The following TOX variants were observed in gnomAD, a reference collection of about 807,000 sequenced individuals.
The protein encoded by TOX is thymocyte selection-associated high mobility group box protein TOX.
TOX carries 11 observed loss-of-function variants against 53.7 expected under a neutral mutation model. That is an observed-to-expected ratio of 0.20 (90% CI 0.13 to 0.34). The LOEUF is 0.34. TOX is among the 10% of genes least tolerant of loss of function. The pLI, the probability that TOX is intolerant of heterozygous loss-of-function variation, is 1.00. For missense variants in TOX, 570 were observed against 664.6 expected (o/e 0.86, Z 1.56); for synonymous variants, 225 against 245.3 (o/e 0.92, Z 0.77).
chr8:59,093,172 CCTATAGTAGG>C (rs536329349), intron 1 of TOX, among the ~76,000 whole-genome samples: 139 of 152,302 alleles, frequency 9.1e-4, no homozygotes, highest in African/African-American at 3.1e-3. Context: ...TTCTGTTCTT[CCTATAGTAGG>C]CTCTGAGGTG....
rs71521438 is a variant in TOX at position 58,955,718 on chromosome 8, C to T, written c.168+4225G>A. On this transcript the variant is annotated intron_variant, in intron 2 of 8. Transcript: ENST00000361421. Reference sequence around the variant, plus strand: ...AACACAGAATGAACAAACAGGCAGCCGTGGAAAAGGACACTTTTTTTTTTT... The same window carrying T: ...AACACAGAATGAACAAACAGGCAGCTGTGGAAAAGGACACTTTTTTTTTTT... 2.8e-3 allele frequency among the ~76,000 whole-genome samples: 417 copies of T among 149,890 alleles called. 1 individual carries two copies. The highest frequency in any genetic ancestry group is 3.8e-3 in the Non-Finnish European group (254 of 67,658).
At chr8:59,097,829 C>T (rs567071626) in intron 1 of TOX, among the ~76,000 whole-genome samples, 1 of 152,240 alleles carries the variant, frequency 6.6e-6, no homozygotes, top group East Asian at 1.9e-4. Context: ...ATCCTGTAAG[C>T]ATAAAGATTA....
intron 1 of TOX, among the ~76,000 whole-genome samples, chr8:59,035,772 CA>C (rs1814447076): frequency 1.3e-5 from 2 of 152,170 alleles, no homozygotes; most frequent in Non-Finnish European, 2.9e-5. Context: ...GAGAAATAAT[CA>C]TAATAACAAT....
chr8:58,937,604 G>A (rs1278979458), intron 3 of TOX, among the ~76,000 whole-genome samples: 2 of 152,192 alleles, frequency 1.3e-5, no homozygotes, highest in Non-Finnish European at 2.9e-5. Context: ...AAGGTGTATT[G>A]AGATGGATGT....
intron 3 of TOX, among the ~76,000 whole-genome samples, chr8:58,891,756 A>G (rs1202602450): frequency 6.6e-6 from 1 of 152,214 alleles, no homozygotes; most frequent in Non-Finnish European, 1.5e-5. Flanking sequence ...GAATCTGAAC[A>G]TGATTTTAAA....
chr8:58,886,017 C>A (rs575997072), intron 3 of TOX, among the ~76,000 whole-genome samples: 2 of 152,218 alleles, frequency 1.3e-5, no homozygotes, highest in Admixed American at 1.3e-4. Flanking sequence ...TCAGTGTTTT[C>A]ACACACTTGT....
At chr8:58,882,963 C>T (rs1334113467) in intron 3 of TOX, among the ~76,000 whole-genome samples, 4 of 152,210 alleles carry the variant, frequency 2.6e-5, no homozygotes, top group East Asian at 1.9e-4. Context: ...AACAATGTCT[C>T]GCTTGCAAAC....
chr8:59,049,164 T>A (rs1005256111), intron 1 of TOX, among the ~76,000 whole-genome samples: 1 of 151,744 alleles, frequency 6.6e-6, no homozygotes, highest in African/African-American at 2.4e-5. Context: ...ACATCTGAAC[T>A]ATATTTAAAT....
intron 3 of TOX, among the ~76,000 whole-genome samples, chr8:58,910,946 A>G (rs901154154): frequency 6.6e-6 from 1 of 152,194 alleles, no homozygotes; most frequent in Non-Finnish European, 1.5e-5. Flanking sequence ...CGGATAACCA[A>G]AGATACTTCC....
intron 1 of TOX, among the ~76,000 whole-genome samples, chr8:59,073,175 C>T (rs1804229638): frequency 6.6e-6 from 1 of 152,102 alleles, no homozygotes; most frequent in African/African-American, 2.4e-5. Context: ...ACAAAGGCTT[C>T]AACTACTAAC....
chr8:58,992,991 G>T, intron 1 of TOX: 1 of 152,192 alleles, frequency 6.6e-6, no homozygotes, highest in Middle Eastern at 3.2e-3. Flanking sequence ...GTGAGAGAAC[G>T]TGGGACCCAT....
intron 7 of TOX, among the ~76,000 whole-genome samples, chr8:58,814,715 A>G (rs937122325): frequency 4.6e-5 from 7 of 152,248 alleles, no homozygotes; most frequent in African/African-American, 1.7e-4. Flanking sequence ...CTAAAATTGC[A>G]CACAAATGGT....
chr8:59,112,415 G>A (rs943647641), intron 1 of TOX, among the ~76,000 whole-genome samples: 1 of 152,092 alleles, frequency 6.6e-6, no homozygotes, highest in Non-Finnish European at 1.5e-5. Context: ...GATGAAACTT[G>A]GCATGCAAGG....
chr8:58,965,819 T>C (rs1000088110), intron 1 of TOX, among the ~76,000 whole-genome samples: 13 of 151,804 alleles, frequency 8.6e-5, no homozygotes, highest in Admixed American at 8.5e-4. Context: ...TAAATCATTT[T>C]TAGAGAGGCT....
intron 1 of TOX, among the ~76,000 whole-genome samples, chr8:59,003,929 A>G (rs979330324): frequency 2.0e-5 from 3 of 152,232 alleles, no homozygotes; most frequent in Admixed American, 2.0e-4. Flanking sequence ...TGTAAAATAC[A>G]AGACCAAAAA....
At chr8:58,941,213 G>C (rs1194160118) in intron 2 of TOX, among the ~76,000 whole-genome samples, 1 of 152,154 alleles carries the variant, frequency 6.6e-6, no homozygotes, top group Non-Finnish European at 1.5e-5. Context: ...CTAAGCCATT[G>C]GTTCCTTGTA....
chr8:58,968,105 C>T (rs1812936132), intron 1 of TOX, among the ~76,000 whole-genome samples: 1 of 152,142 alleles, frequency 6.6e-6, no homozygotes, highest in Admixed American at 6.5e-5. Flanking sequence ...GAAAAAAATG[C>T]AAGTTTCTAG....
intron 1 of TOX, among the ~76,000 whole-genome samples, chr8:58,990,598 T>A (rs1176063301): frequency 1.3e-5 from 2 of 151,966 alleles, no homozygotes; most frequent in African/African-American, 4.8e-5. Context: ...GTAACCACCA[T>A]CAACACCAAA....
Position 59,101,477 on chromosome 8 carries a change from AATTTTTCATTTT to A in TOX, c.102+17397_102+17408del, listed in dbSNP as rs1804806401. 4.6e-5 allele frequency among the ~76,000 whole-genome samples: 7 copies of A among 152,164 alleles called. No homozygotes were observed. The South Asian group carries it at 1.5e-3, about 32-fold the overall frequency. On this transcript the variant is annotated intron_variant, in intron 1 of 8. Coordinates refer to ENST00000361421, the MANE Select transcript of TOX (RefSeq NM_014729.3). ...AAGGAATCTACATCTCTTAGTCATTAATTTTTCATTTTATTTTAATGAGACCTTGAGAATAAA... is the reference window on the plus strand; with the variant it reads ...AAGGAATCTACATCTCTTAGTCATTAATTTTAATGAGACCTTGAGAATAAA...
Sources: gnomAD v4.1 joint callset for allele counts (sites outside exome capture counted in the v4.1 genomes callset) on GRCh38, gnomAD v4.1.1 for gene constraint, MANE v1.5 for transcripts, NCBI Gene and HGNC (gene_info 2026-07-23, HGNC 2026-07-21) for gene names.